ST3GAL5: variants seen among roughly 807,000 people sequenced by gnomAD.
The protein encoded by ST3GAL5 is lactosylceramide alpha-2,3-sialyltransferase.
Under a neutral mutation model 46.1 loss-of-function variants are expected in ST3GAL5, and 25 were observed. That is an observed-to-expected ratio of 0.54 (90% CI 0.40 to 0.76). The LOEUF is 0.76. Among genes scored for constraint, ST3GAL5 ranks in the 30% least tolerant of loss-of-function variants. ST3GAL5 has a pLI of 0.00. For missense variants in ST3GAL5, 431 were observed against 521.2 expected, an observed-to-expected ratio of 0.83 and a Z score of 1.69; for synonymous variants, 182 against 192.7, an observed-to-expected ratio of 0.94 and a Z score of 0.46.
chr2:85,851,794 G>T, intron 3 of ST3GAL5: 1 of 1,142,482 alleles, frequency 8.8e-7, no homozygotes. Flanking sequence ...GGCCTGGGTG[G>T]CATTCATCCA....
chr2:85,852,945 C>A lies in ST3GAL5; in HGVS notation c.319-4741G>T, dbSNP rs1030141543. The stretch of plus-strand genomic sequence containing the variant: ...CGGTTTGAAGATGCTGGTGCCTGGG[C>A]TCACTGAATGCTTCAGCAGGGAGGG... On this transcript the variant is annotated intron_variant, in intron 3 of 6. Coordinates refer to ENST00000638572, the MANE Select transcript of ST3GAL5 (RefSeq NM_003896.4). 8 of 1,304,122 alleles carry A rather than the reference C, an allele frequency of 6.1e-6. No homozygotes were observed. In the East Asian group the frequency reaches 3.3e-4, roughly 54 times the overall value. 80.8% of individuals were successfully genotyped at this position (1,304,122 alleles called of 1,614,324 possible).
rs1288820548 is a variant in ST3GAL5 at position 85,846,410 on chromosome 2, G to A, written c.816C>T (p.Asn272=). 1 of 1,614,146 alleles carries A rather than the reference G, an allele frequency of 6.2e-7. No homozygotes were observed. The highest frequency in any genetic ancestry group is 8.5e-7 in the Non-Finnish European group (1 of 1,180,020). The change falls in exon 5 of 7, where the codon AAC becomes AAT. Residue 272 remains asparagine, a synonymous_variant. Transcript: ENST00000638572. ...CCTTTTTTACCATTGCTTGAAGCCA[G>A]TTGAAATCAACACTCTTAAATAAAA... ...VAVLFKSVDF[N]WLQAMVKKET...
intron 3 of ST3GAL5, 71 bp downstream of exon 3, chr2:85,861,110 C>T (rs1684677555): frequency 1.9e-6 from 2 of 1,045,706 alleles, no homozygotes; most frequent in East Asian, 4.7e-5. Flanking sequence ...ACACAGTAGA[C>T]TAATGATATT....
At chr2:85,857,097 A>AAAAAAAAAAAAAT (rs1558669884) in intron 3 of ST3GAL5, among the ~76,000 whole-genome samples, 4 of 132,290 alleles carry the variant, frequency 3.0e-5, no homozygotes, top group African/African-American at 8.2e-5. Context: ...AAAAAAAAAA[A>AAAAAAAAAAAAAT]TAGGCACGTA....
At chr2:85,843,227 T>A (rs116233932) in intron 6 of ST3GAL5, among the ~76,000 whole-genome samples, 408 of 152,348 alleles carry the variant, frequency 2.7e-3, no homozygotes, top group African/African-American at 9.6e-3. Flanking sequence ...TGCTATAGTG[T>A]ACATCCTAGA....
intron 2 of ST3GAL5, among the ~76,000 whole-genome samples, chr2:85,863,161 C>T (rs1406711605): frequency 2.0e-5 from 3 of 152,182 alleles, no homozygotes; most frequent in Admixed American, 6.5e-5. Context: ...GTGCACTTAC[C>T]AAATACAGCC....
chr2:85,838,953 G>A lies in ST3GAL5; in HGVS notation c.*1191C>T, dbSNP rs1573560731. On this transcript the variant is annotated 3_prime_UTR_variant, in exon 7 of 7. Coordinates refer to ENST00000638572, the MANE Select transcript of ST3GAL5 (RefSeq NM_003896.4). ...GGGGCAGCCTGTCTTTGGGGAGGAA[G>A]CCACCGACACCCAGCATCTCTTCAG... 6.6e-6 allele frequency: 1 copy of A among 152,424 alleles called. No homozygotes were observed. Among genetic ancestry groups the A allele is most frequent in the South Asian group, 2.1e-4 (1 of 4,832 alleles). The allele number at this position is 152,424 out of a possible 1,614,324, so 9.4% of individuals were successfully genotyped here.
At chr2:85,881,012 G>A (rs1385474449) in intron 1 of ST3GAL5, 3 of 502,092 alleles carry the variant, frequency 6.0e-6, no homozygotes, top group African/African-American at 3.9e-5. Flanking sequence ...GAATTCCCAC[G>A]TGTTGTGGGA....
intron 3 of ST3GAL5, chr2:85,851,772 G>T (rs1683539282): frequency 7.9e-7 from 1 of 1,258,520 alleles, no homozygotes; most frequent in Non-Finnish European, 1.0e-6. Flanking sequence ...AGGCCTCAGA[G>T]GCGTCAGCTG....
intron 6 of ST3GAL5, among the ~76,000 whole-genome samples, chr2:85,842,054 A>T (rs1235815348): frequency 6.6e-6 from 1 of 151,088 alleles, no homozygotes; most frequent in Non-Finnish European, 1.5e-5. Flanking sequence ...GTGGAACAAC[A>T]GTGGACCCTC....
At chr2:85,888,208 G>A (rs1356796260) in intron 1 of ST3GAL5, 3 of 152,252 alleles carry the variant, frequency 2.0e-5, no homozygotes, top group Admixed American at 6.5e-5. Flanking sequence ...GATGCTCTCG[G>A]AAAACCCTGC....
At chr2:85,870,337 AGGC>A in intron 1 of ST3GAL5, 1 of 444,772 alleles carries the variant, frequency 2.2e-6, no homozygotes, top group African/African-American at 2.0e-5. Flanking sequence ...AGGGTTTCGG[AGGC>A]GATGGTGGTT....
chr2:85,847,149 G>A (rs1682891866), intron 4 of ST3GAL5, among the ~76,000 whole-genome samples: 1 of 152,118 alleles, frequency 6.6e-6, no homozygotes, highest in East Asian at 1.9e-4. Flanking sequence ...ACTGCCTATT[G>A]GCTATCATGG....
In ST3GAL5 at chr2:85,863,345, C is replaced by T. The variant is rs1353547524; in HGVS notation, c.206+17G>A. 6.2e-7 allele frequency: 1 copy of T among 1,613,652 alleles called. No homozygotes were observed. The highest frequency in any genetic ancestry group is 8.5e-7 in the Non-Finnish European group (1 of 1,179,984). ...ACCCAAAGCAGGGGGATCTACAGTC[C>T]CAGGGGCGGTACTTACTTGAGGATG... On this transcript the variant is annotated intron_variant, in intron 2 of 6. Transcript: ENST00000638572.
Position 85,888,840 on chromosome 2 carries a change from C to A in ST3GAL5, c.66G>T (p.Ala22=). ...RPLQPRTEAA[A]APAGRAMPSE... ...GCCACGTACCTCGGCCGGCAGGTGC[C>A]GCCGCTGCCTCGGTCCGCGGCTGCA... is the stretch of plus-strand genomic sequence containing the variant. Residue 22 remains alanine (A), a synonymous_variant, in exon 1 of 7, where the codon GCG becomes GCT. Transcript: ENST00000638572. The A allele has an allele frequency of 7.7e-7, 1 of 1,294,526 alleles. No individual in the cohort carries two copies. Among genetic ancestry groups the A allele is most frequent in the South Asian group, 2.2e-5 (1 of 44,880 alleles). 80.2% of individuals were successfully genotyped at this position (1,294,526 alleles called of 1,614,324 possible). A position where few individuals can be genotyped will look rare whatever the true frequency, so the allele number is the denominator to read the frequency against.
At chr2:85,858,924 G>A (rs1233883299) in intron 3 of ST3GAL5, among the ~76,000 whole-genome samples, 1 of 152,202 alleles carries the variant, frequency 6.6e-6, no homozygotes, top group African/African-American at 2.4e-5. Context: ...GAAATCACTA[G>A]GATTCCTTAG....
At chr2:85,865,117 G>A (rs1685153577) in intron 1 of ST3GAL5, among the ~76,000 whole-genome samples, 2 of 152,160 alleles carry the variant, frequency 1.3e-5, no homozygotes, top group South Asian at 4.1e-4. Flanking sequence ...TATGATAGAG[G>A]AATAAGCTTC....
chr2:85,861,423 T>C lies in ST3GAL5; in HGVS notation c.207-131A>G, dbSNP rs912816365. ...TAAAACTACAATCTTTAAGTTGACA[T>C]TGGGGTGAAAGGAAGGGGCCATTTC... On this transcript the variant is annotated intron_variant, in intron 2 of 6. Transcript: ENST00000638572. The C allele has an allele frequency of 7.2e-6, 5 of 698,658 alleles. No homozygotes were observed. In the Admixed American group the frequency reaches 8.2e-5, roughly 12 times the overall value. The allele number at this position is 698,658 out of a possible 1,614,324, so 43.3% of individuals were successfully genotyped here.
intron 1 of ST3GAL5, among the ~76,000 whole-genome samples, chr2:85,868,891 T>C (rs1178784637): frequency 6.6e-6 from 1 of 152,102 alleles, no homozygotes; most frequent in Non-Finnish European, 1.5e-5. Flanking sequence ...AGTGCTGGGA[T>C]TACAGGCGTG....
Sources: allele counts gnomAD v4.1 joint callset (sites outside exome capture counted in the v4.1 genomes callset), GRCh38; gene constraint gnomAD v4.1.1; transcripts MANE v1.5; gene names NCBI Gene and HGNC (gene_info 2026-07-23, HGNC 2026-07-21).